The following RAPGEF4 variants were observed in gnomAD, a reference collection of about 807,000 sequenced individuals.
The protein encoded by RAPGEF4 is RAP guanine-nucleotide-exchange factor (GEF) 4.
A neutral mutation model predicts 147.9 loss-of-function variants in RAPGEF4; 66 were observed. The ratio of observed to expected loss-of-function variants is 0.45; its 90% CI spans 0.37 to 0.55. RAPGEF4 has a LOEUF of 0.55. RAPGEF4 is among the 20% of genes least tolerant of loss of function. RAPGEF4 has a pLI of 0.00. For synonymous variants in RAPGEF4, 419 were observed against 442.7 expected (o/e 0.95, Z 0.67); for missense variants, 1,071 against 1,257.3 (o/e 0.85, Z 2.24).
At chr2:172,984,455 A>G (rs1692020588) in intron 11 of RAPGEF4, among the ~76,000 whole-genome samples, 1 of 152,168 alleles carries the variant, frequency 6.6e-6, no homozygotes, top group African/African-American at 2.4e-5. Context: ...GAGGGCTTCA[A>G]GTCCCCTCTC....
rs1005392434 is a variant in RAPGEF4, at chr2:172,935,408, G to C, written c.537+13108G>C. Among the ~76,000 whole-genome samples the C allele has an allele frequency of 4.0e-4, 61 of 152,142 alleles. 1 individual carries two copies. The highest frequency in any genetic ancestry group is 4.0e-3 in the Admixed American group (61 of 15,270). ...TCCCCACTCTGAGCCAGTGTAGGTG[G>C]GATACACAGCTCTGTTGATGGGGAG... On this transcript the variant is annotated intron_variant, in intron 6 of 30. Coordinates refer to ENST00000397081, the MANE Select transcript of RAPGEF4 (RefSeq NM_007023.4).
intron 23 of RAPGEF4, among the ~76,000 whole-genome samples, chr2:173,021,381 A>G (rs1441093929): frequency 1.3e-5 from 2 of 152,220 alleles, no homozygotes; most frequent in Non-Finnish European, 2.9e-5. Flanking sequence ...TTCAGAGGGT[A>G]GAGAAACTGG....
chr2:173,013,978 C>T (rs1559185103), intron 17 of RAPGEF4, among the ~76,000 whole-genome samples: 1 of 152,174 alleles, frequency 6.6e-6, no homozygotes, highest in African/African-American at 2.4e-5. Context: ...CTCTTTGTAT[C>T]AGCCATGGTC....
Position 172,795,031 on chromosome 2 carries a change from G to A in RAPGEF4, c.72G>A (p.Leu24=), listed in dbSNP as rs199919765. 2.1e-5 allele frequency: 34 copies of A among 1,613,770 alleles called. No individual in the cohort carries two copies. Among genetic ancestry groups the A allele is most frequent in the Non-Finnish European group, 2.7e-5 (32 of 1,179,906 alleles). ...GCCTTTTCTCCCTATACAGACCACT[G>A]GAGCGATCCAGCGAAGATGTGGATA... ...EWIACLDKRP[L]ERSSEDVDII... Residue 24 remains leucine (L), a synonymous_variant, in exon 2 of 31, where the codon CTG becomes CTA. Coordinates refer to ENST00000397081, the MANE Select transcript of RAPGEF4 (RefSeq NM_007023.4).
At chr2:172,923,679 T>G (rs1684993919) in intron 6 of RAPGEF4, among the ~76,000 whole-genome samples, 1 of 152,238 alleles carries the variant, frequency 6.6e-6, no homozygotes, top group Admixed American at 6.5e-5. Context: ...CCAAGCTACT[T>G]GATTTGTCTA....
intron 2 of RAPGEF4, among the ~76,000 whole-genome samples, chr2:172,796,456 G>A (rs1282105249): frequency 2.6e-5 from 4 of 151,952 alleles, no homozygotes; most frequent in Non-Finnish European, 5.9e-5. Context: ...GTGGTGGCAG[G>A]CACCTATAGT....
chr2:172,979,633 T>C (rs983616933), intron 10 of RAPGEF4, among the ~76,000 whole-genome samples: 1 of 152,190 alleles, frequency 6.6e-6, no homozygotes, highest in African/African-American at 2.4e-5. Flanking sequence ...AGAAGAACAG[T>C]CTAGATTTAT....
chr2:172,901,824 T>C (rs866032438), intron 4 of RAPGEF4, among the ~76,000 whole-genome samples: 1 of 152,202 alleles, frequency 6.6e-6, no homozygotes, highest in South Asian at 2.1e-4. Flanking sequence ...GGTCTGGGTA[T>C]GCACTGAGAG....
intron 6 of RAPGEF4, among the ~76,000 whole-genome samples, chr2:172,927,071 C>G (rs1453107495): frequency 6.6e-6 from 1 of 152,102 alleles, no homozygotes; most frequent in African/African-American, 2.4e-5. Context: ...CAAGTCTCAT[C>G]TTAAGGAGAT....
chr2:172,897,638 A>T (rs1386569701), intron 4 of RAPGEF4, among the ~76,000 whole-genome samples: 1 of 151,958 alleles, frequency 6.6e-6, no homozygotes, highest in Non-Finnish European at 1.5e-5. Flanking sequence ...CTGGCCTCAA[A>T]GGATCCTCTC....
At chr2:173,050,880 T>C (rs368888553) in intron 30 of RAPGEF4, among the ~76,000 whole-genome samples, 3 of 152,014 alleles carry the variant, frequency 2.0e-5, no homozygotes, top group African/African-American at 7.2e-5. Flanking sequence ...CACCTTCTGG[T>C]CTGGCTTTCC....
At chr2:172,865,566 C>T (rs1344292217) in intron 4 of RAPGEF4, among the ~76,000 whole-genome samples, 1 of 152,200 alleles carries the variant, frequency 6.6e-6, no homozygotes, top group African/African-American at 2.4e-5. Flanking sequence ...TCTGGCTCCT[C>T]CTGGTGGCAG....
At chr2:172,971,509 G>T (rs1473311839) in intron 10 of RAPGEF4, among the ~76,000 whole-genome samples, 2 of 152,178 alleles carry the variant, frequency 1.3e-5, no homozygotes, top group African/African-American at 4.8e-5. Context: ...TTCCAACTGG[G>T]TCAGAAACAC....
intron 8 of RAPGEF4, among the ~76,000 whole-genome samples, chr2:172,963,091 G>A (rs1398456810): frequency 6.6e-6 from 1 of 152,066 alleles, no homozygotes; most frequent in Non-Finnish European, 1.5e-5. Context: ...TAGAGAAGGG[G>A]GTGGTGCCAC....
chr2:172,926,940 G>A (rs186670939), intron 6 of RAPGEF4, among the ~76,000 whole-genome samples: 1 of 152,154 alleles, frequency 6.6e-6, no homozygotes, highest in Non-Finnish European at 1.5e-5. Flanking sequence ...AAATACTGAA[G>A]AATGCTTTCT....
rs1393492171 is a variant in RAPGEF4, at chr2:173,016,509, A to T, written c.1898+72A>T. On this transcript the variant is annotated intron_variant, in intron 19 of 30. Transcript: ENST00000397081. ...TCAAAAAGTCCTTTGCCCACAAGAA[A>T]GGTTAAAGCTGGTCTTTCCATAGCC... 5 of 1,292,224 alleles carry T rather than the reference A, an allele frequency of 3.9e-6. No individual in the cohort carries two copies. The East Asian group carries it at 1.2e-4, about 30-fold the overall frequency. The allele number at this position is 1,292,224 out of a possible 1,614,324, so 80.0% of individuals were successfully genotyped here.
chr2:172,757,232 C>T (rs1299789828), intron 1 of RAPGEF4, among the ~76,000 whole-genome samples: 2 of 152,202 alleles, frequency 1.3e-5, no homozygotes, highest in African/African-American at 4.8e-5. Flanking sequence ...CCCAATTAAT[C>T]CTCTAAACTT....
chr2:172,791,558 C>T (rs954852785), intron 1 of RAPGEF4, among the ~76,000 whole-genome samples: 1 of 152,156 alleles, frequency 6.6e-6, no homozygotes, highest in Non-Finnish European at 1.5e-5. Context: ...ATTTTCCCCA[C>T]TCCATGAAGT....
At chr2:172,742,502 A>G (rs912238499) in intron 1 of RAPGEF4, among the ~76,000 whole-genome samples, 2 of 152,222 alleles carry the variant, frequency 1.3e-5, no homozygotes, top group African/African-American at 4.8e-5. Flanking sequence ...GTAAGAATGC[A>G]TCACAGAAGT....
Sources: gnomAD v4.1 joint callset for allele counts (sites outside exome capture counted in the v4.1 genomes callset) on GRCh38, gnomAD v4.1.1 for gene constraint, MANE v1.5 for transcripts, NCBI Gene and HGNC (gene_info 2026-07-23, HGNC 2026-07-21) for gene names.